NRXN3: variants seen among roughly 807,000 people sequenced by gnomAD.
NRXN3 encodes the protein neurexin 3, also known as neurexin III.
Under a neutral mutation model 137.6 loss-of-function variants are expected in NRXN3, and 32 were observed. The ratio of observed to expected loss-of-function variants is 0.23; its 90% CI spans 0.18 to 0.31. NRXN3 has a LOEUF of 0.31. Among genes scored for constraint, NRXN3 ranks in the 10% least tolerant of loss-of-function variants. The pLI, the probability that NRXN3 is intolerant of heterozygous loss-of-function variation, is 1.00. For missense variants in NRXN3, 1,574 were observed against 2,062.5 expected, an observed-to-expected ratio of 0.76 and a Z score of 4.59; for synonymous variants, 798 against 784.5, an observed-to-expected ratio of 1.02 and a Z score of -0.29.
At chr14:78,337,969 C>G (rs1177264530) in intron 4 of NRXN3, among the ~76,000 whole-genome samples, 1 of 151,996 alleles carries the variant, frequency 6.6e-6, no homozygotes, top group Non-Finnish European at 1.5e-5. Context: ...TTCAGAGTAC[C>G]CAGTGGGAAG....
In NRXN3 at chr14:79,440,971, C is replaced by T. The variant is rs1005693578; in HGVS notation, c.3263-26250C>T. Among the ~76,000 whole-genome samples, 12 of 151,980 alleles carry T rather than the reference C, an allele frequency of 7.9e-5. 1 individual carries two copies. Among genetic ancestry groups the T allele is most frequent in the Non-Finnish European group, 1.8e-4 (12 of 68,014 alleles). Reference sequence around the variant, plus strand: ...CGGTAAGCTTGCTACAGGATCAAGTCGCATAAGAAAATGAATTGAAGTCGA... The same window carrying T: ...CGGTAAGCTTGCTACAGGATCAAGTTGCATAAGAAAATGAATTGAAGTCGA... On this transcript the variant is annotated intron_variant, in intron 15 of 20. Coordinates refer to ENST00000335750, the MANE Select transcript of NRXN3 (RefSeq NM_001330195.2).
intron 20 of NRXN3, chr14:79,823,827 G>A: frequency 2.7e-6 from 1 of 364,686 alleles, no homozygotes; most frequent in South Asian, 2.0e-5. Flanking sequence ...ATTCAAAGAT[G>A]ATGATGATGA....
intron 15 of NRXN3, among the ~76,000 whole-genome samples, chr14:79,262,513 A>G (rs956976137): frequency 9.9e-5 from 15 of 151,288 alleles, no homozygotes; most frequent in Admixed American, 7.2e-4. Context: ...AGAAAGGAGG[A>G]GGAGGAAAGA....
chr14:78,493,181 C>CA (rs1366535316), intron 4 of NRXN3, among the ~76,000 whole-genome samples: 1 of 152,068 alleles, frequency 6.6e-6, no homozygotes, highest in Non-Finnish European at 1.5e-5. Flanking sequence ...AACTCCTAGC[C>CA]ACTTCAGGTT....
rs72009535 is a variant in NRXN3 at position 79,427,830 on chromosome 14, C to CAA, written c.3263-39375_3263-39374dup. Among the ~76,000 whole-genome samples the CAA allele has an allele frequency of 5.1e-3, 607 of 119,296 alleles. 5 individuals carry two copies. The highest frequency in any genetic ancestry group is 0.013 in the South Asian group (51 of 3,872). 78.3% of individuals were successfully genotyped at this position (119,296 alleles called of 152,430 possible). On this transcript the variant is annotated intron_variant, in intron 15 of 20. Coordinates refer to ENST00000335750, the MANE Select transcript of NRXN3 (RefSeq NM_001330195.2). Reference sequence around the variant, plus strand: ...CTGGCGACAGAGCGAGACTCCATCTCAAAAAAAAAAAAAAAAATTAAAAAC... The same window carrying CAA: ...CTGGCGACAGAGCGAGACTCCATCTCAAAAAAAAAAAAAAAAAAATTAAAAAC...
At chr14:79,466,449 G>C (rs541104127) in intron 15 of NRXN3, among the ~76,000 whole-genome samples, 1 of 152,010 alleles carries the variant, frequency 6.6e-6, no homozygotes, top group Non-Finnish European at 1.5e-5. Context: ...TTAGCCGGGC[G>C]TGGTGGCACG....
At chr14:79,673,423 G>A (rs904186334) in intron 17 of NRXN3, among the ~76,000 whole-genome samples, 3 of 152,074 alleles carry the variant, frequency 2.0e-5, no homozygotes, top group South Asian at 2.1e-4. Flanking sequence ...ATGTCAATTC[G>A]ACAGAACTTA....
intron 4 of NRXN3, among the ~76,000 whole-genome samples, chr14:78,539,903 G>A (rs1186920465): frequency 2.0e-5 from 3 of 152,184 alleles, no homozygotes; most frequent in African/African-American, 7.2e-5. Context: ...CAGTTTCCAT[G>A]TAGTTGAGTG....
At chr14:79,341,376 C>T (rs1194876163) in intron 15 of NRXN3, among the ~76,000 whole-genome samples, 1 of 152,122 alleles carries the variant, frequency 6.6e-6, no homozygotes, top group African/African-American at 2.4e-5. Context: ...CCTTTCGCTG[C>T]AAATCCTATA....
chr14:79,438,944 C>A (rs144867250), intron 15 of NRXN3, among the ~76,000 whole-genome samples: 3 of 152,244 alleles, frequency 2.0e-5, no homozygotes, highest in South Asian at 2.1e-4. Flanking sequence ...AAGCCTGTTG[C>A]ACACAGTTTC....
intron 1 of NRXN3, among the ~76,000 whole-genome samples, chr14:78,238,492 G>A (rs2066645443): frequency 6.6e-6 from 1 of 152,168 alleles, no homozygotes; most frequent in Admixed American, 6.5e-5. Flanking sequence ...CCACCAGAGG[G>A]GCAAAGAAGG....
chr14:78,221,243 C>T (rs1355212965), intron 1 of NRXN3, among the ~76,000 whole-genome samples: 1 of 151,830 alleles, frequency 6.6e-6, no homozygotes, highest in African/African-American at 2.4e-5. Context: ...ATTAGGGTGC[C>T]GTATAGCTTT....
At chr14:79,624,811 TTG>T (rs773318796) in intron 16 of NRXN3, among the ~76,000 whole-genome samples, 8 of 147,796 alleles carry the variant, frequency 5.4e-5, no homozygotes, top group African/African-American at 1.0e-4. Context: ...TTGTTTGTTT[TTG>T]TTTTTTTTTA....
chr14:78,988,153 A>C lies in NRXN3; in HGVS notation c.3262+12A>C. ...CCAGTGCAATGATCGTAAGTACAAC[A>C]ACCTTTCATACTGGAACTTTGTGAA... On this transcript the variant is annotated intron_variant, in intron 15 of 20. Coordinates refer to ENST00000335750, the MANE Select transcript of NRXN3 (RefSeq NM_001330195.2). The C allele has an allele frequency of 6.2e-7, 1 of 1,613,674 alleles. No homozygotes were observed. Among genetic ancestry groups the C allele is most frequent in the South Asian group, 1.1e-5 (1 of 91,072 alleles).
intron 15 of NRXN3, among the ~76,000 whole-genome samples, chr14:79,080,839 A>G (rs2046847165): frequency 6.6e-6 from 1 of 152,172 alleles, no homozygotes; most frequent in South Asian, 2.1e-4. Context: ...AGTTACCCCA[A>G]CTATAACTGG....
At chr14:79,215,392 T>G (rs1016337133) in intron 15 of NRXN3, among the ~76,000 whole-genome samples, 5 of 144,422 alleles carry the variant, frequency 3.5e-5, no homozygotes, top group African/African-American at 1.3e-4. Flanking sequence ...GGAGTTGGGG[T>G]GTGTGTGTGT....
chr14:78,536,824 T>C (rs2096541047), intron 4 of NRXN3, among the ~76,000 whole-genome samples: 1 of 151,426 alleles, frequency 6.6e-6, no homozygotes, highest in Admixed American at 6.6e-5. Flanking sequence ...AACTCAATGT[T>C]CCATTCTCAC....
At chr14:78,460,160 G>C (rs1450069602) in intron 4 of NRXN3, among the ~76,000 whole-genome samples, 1 of 152,242 alleles carries the variant, frequency 6.6e-6, no homozygotes, top group Non-Finnish European at 1.5e-5. Flanking sequence ...GAGGTAGGTG[G>C]GGAGGGGTTT....
chr14:79,048,090 T>C (rs1010438732), intron 15 of NRXN3, among the ~76,000 whole-genome samples: 2 of 126,434 alleles, frequency 1.6e-5, no homozygotes, highest in Admixed American at 9.0e-5. Flanking sequence ...TCAATAAAAA[T>C]AATAAACTAC....
Sources: gnomAD v4.1 joint callset for allele counts (sites outside exome capture counted in the v4.1 genomes callset) on GRCh38, gnomAD v4.1.1 for gene constraint, MANE v1.5 for transcripts, NCBI Gene and HGNC (gene_info 2026-07-23, HGNC 2026-07-21) for gene names.